Variants in LRFN1 observed in about 807,000 individuals in gnomAD.
LRFN1 encodes the protein leucine rich repeat and fibronectin type III domain containing 1.
A neutral mutation model predicts 31.8 loss-of-function variants in LRFN1; 20 were observed. The observed-to-expected ratio is 0.63, with a 90% CI of 0.44 to 0.91. The LOEUF is 0.91. LRFN1 is among the 40% of genes least tolerant of loss of function. The pLI, the probability that LRFN1 is intolerant of heterozygous loss-of-function variation, is 0.00. For missense variants in LRFN1, 912 were observed against 1,129.8 expected, an observed-to-expected ratio of 0.81 and a Z score of 2.76; for synonymous variants, 514 against 541.3, an observed-to-expected ratio of 0.95 and a Z score of 0.70.
chr19:39,317,228 T>A lies in LRFN1; in HGVS notation c.-92-1092A>T, dbSNP rs146381836. Among the ~76,000 whole-genome samples the A allele has an allele frequency of 3.7e-3, 562 of 151,530 alleles. 5 individuals carry two copies. The highest frequency in any genetic ancestry group is 0.013 in the African/African-American group (551 of 41,248). The stretch of plus-strand genomic sequence containing the variant: ...ATGGAGAGAAAAATAGAGACAGTAT[T>A]AGAGAGAAAAAGACAGAGGAGGAAA... On this transcript the variant is annotated intron_variant, in intron 2 of 4. Transcript: ENST00000248668.
intron 2 of LRFN1, 80 bp from the exon 3 acceptor site, chr19:39,316,216 C>T (rs1327107007): frequency 6.6e-6 from 1 of 152,098 alleles, no homozygotes; most frequent in Non-Finnish European, 1.5e-5. Flanking sequence ...TAGAATAGTG[C>T]CAGGCATATA....
At position 39,315,181 on chromosome 19, in the gene LRFN1, G is replaced by A. The variant is rs370793466; in HGVS notation, c.156C>T (p.Ala52=). 119 of 1,588,370 alleles carry A rather than the reference G, an allele frequency of 7.5e-5. No homozygotes were observed. The highest frequency in any genetic ancestry group is 9.9e-5 in the Non-Finnish European group (116 of 1,174,240). Residue 52 remains alanine, a synonymous_variant, in exon 4 of 5, where the codon GCC becomes GCT. Coordinates refer to ENST00000248668, the MANE Select transcript of LRFN1 (RefSeq NM_020862.2). This position sits in a 1 kb window ranked among gnomAD's most constrained non-coding sequence, Gnocchi z 4.7. The part of the protein sequence containing the change: ...NVAPTLTMLC[A]KTGLLFVPPA... Reference sequence around the variant, plus strand: ...GCGGCACAAAGAGCAAGCCGGTCTTGGCGCACAGCATTGTCAGTGTGGGCG... The same window carrying A: ...GCGGCACAAAGAGCAAGCCGGTCTTAGCGCACAGCATTGTCAGTGTGGGCG...
chr19:39,317,728 G>T (rs777011644), intron 2 of LRFN1, among the ~76,000 whole-genome samples: 5 of 152,024 alleles, frequency 3.3e-5, no homozygotes, highest in Non-Finnish European at 7.4e-5. Context: ...ACCTCATAAG[G>T]TTGCTATGAG....
At chr19:39,309,312 G>C (rs2075142141) in intron 4 of LRFN1, among the ~76,000 whole-genome samples, 1 of 151,732 alleles carries the variant, frequency 6.6e-6, no homozygotes, top group Non-Finnish European at 1.5e-5. Context: ...AAATTAGCCA[G>C]GCGTGGTGGC....
intron 1 of LRFN1, among the ~76,000 whole-genome samples, chr19:39,318,559 T>C (rs2075178773): frequency 6.6e-6 from 1 of 152,074 alleles, no homozygotes. Context: ...TTGTTCACCC[T>C]CCAAAGCCCA....
chr19:39,307,373 G>T lies in LRFN1; in HGVS notation c.*260C>A, dbSNP rs557949583. 4.4e-5 allele frequency: 18 copies of T among 407,436 alleles called. No individual in the cohort carries two copies. The highest frequency in any genetic ancestry group is 3.5e-4 in the African/African-American group (17 of 48,816). 25.2% of individuals were successfully genotyped at this position (407,436 alleles called of 1,614,324 possible). A position where few individuals can be genotyped will look rare whatever the true frequency, so the allele number is the denominator to read the frequency against. Reference sequence around the variant, plus strand: ...CGGCTCCAGCGAGGTCCGCGAGCGCGCGAGGGGAGGGGTAGGAGGGGGGTC... The same window carrying T: ...CGGCTCCAGCGAGGTCCGCGAGCGCTCGAGGGGAGGGGTAGGAGGGGGGTC... On this transcript the variant is annotated 3_prime_UTR_variant, in exon 5 of 5. Transcript: ENST00000248668. This position sits in a 1 kb window ranked among gnomAD's most constrained non-coding sequence, Gnocchi z 6.7.
chr19:39,311,875 CTT>C (rs562002567), intron 4 of LRFN1, among the ~76,000 whole-genome samples: 94 of 100,592 alleles, frequency 9.3e-4, no homozygotes, highest in African/African-American at 3.4e-3. Context: ...AAAAGGGAGG[CTT>C]TTTTTTTTTT....
chr19:39,314,162 A>G lies in LRFN1; in HGVS notation c.1175T>C (p.Leu392Pro). The change falls in exon 4 of 5, where the codon CTG (leucine) becomes CCG (proline). Residue 392 changes from leucine to proline, a missense_variant. Leu to Pro is a moderately conservative substitution (Grantham distance 98). This residue lies in a region of LRFN1 where 401 missense variants were observed against 572.7 expected (regional missense o/e 0.70). Transcript: ENST00000248668. ...PVEVCVVPLPLMAPPPAAPPP... is the reference protein window; with the variant it reads ...PVEVCVVPLPPMAPPPAAPPP... ...CGGGGCAGCCGGCGGGGGTGCCATC[A>G]GAGGCAGAGGTACCACGCACACCTC... is the stretch of plus-strand genomic sequence containing the variant. The G allele has an allele frequency of 6.2e-7, 1 of 1,612,880 alleles. No homozygotes were observed. Among genetic ancestry groups the G allele is most frequent in the Non-Finnish European group, 8.5e-7 (1 of 1,179,566 alleles).
Position 39,308,367 on chromosome 19 carries a change from T to G in LRFN1, c.1582A>C (p.Arg528=). The G allele has an allele frequency of 6.2e-7, 1 of 1,612,006 alleles. No individual in the cohort carries two copies. Among genetic ancestry groups the G allele is most frequent in the Admixed American group, 1.7e-5 (1 of 59,852 alleles). ...ATGGTGCCGCCCAAGAAATGGGCCC[T>G]CAGCGGGCGGCAGGGCGCCGGATCC... ...AGDPAPCRPL[R]AHFLGGTMII... is the part of the protein sequence containing the mutation. Residue 528 remains arginine, a synonymous_variant, in exon 5 of 5, where the codon AGG becomes CGG. Transcript: ENST00000248668. This position sits in a 1 kb window ranked among gnomAD's most constrained non-coding sequence, Gnocchi z 6.2.
At position 39,307,872 on chromosome 19, in the gene LRFN1, C is replaced by A. The variant is rs910791388; in HGVS notation, c.2077G>T (p.Gly693Ter). Residue 693 changes from glycine to a stop codon, truncating the protein, a stop_gained, in exon 5 of 5, where the codon GGA becomes TGA. Coordinates refer to ENST00000248668, the MANE Select transcript of LRFN1 (RefSeq NM_020862.2). LOFTEE classifies it high-confidence loss of function. The surrounding 1 kb of genome is among the most constrained non-coding windows in gnomAD (Gnocchi z 6.7). ...TGCGGCCTCGGCCGGGCCGCGGCTC[C>A]CCCAGGAACTAGAGCTAGAGTAGGG... ...APPTLALVPG[G>*]AAARPRPQQR... 3 of 1,537,928 alleles carry A rather than the reference C, an allele frequency of 2.0e-6. No individual in the cohort carries two copies. The highest frequency in any genetic ancestry group is 2.6e-6 in the Non-Finnish European group (3 of 1,148,468).
chr19:39,307,970 C>T lies in LRFN1; in HGVS notation c.1979G>A (p.Gly660Glu). ...GCCCACCGCGGCCCGAGACTCCTCC[C>T]CGGAAGTTTCCTCGGATGGCAGCAG... ...LCLLPSEETSGEESRAAVGPR... is the reference protein window; with the variant it reads ...LCLLPSEETSEEESRAAVGPR... The change falls in exon 5 of 5, where the codon GGG (glycine) becomes GAG (glutamate). Residue 660 changes from glycine (G) to glutamate (E), a missense_variant. This residue lies in a region of LRFN1 where 511 missense variants were observed against 557.0 expected (regional missense o/e 0.92). Transcript: ENST00000248668. The surrounding 1 kb of genome is among the most constrained non-coding windows in gnomAD (Gnocchi z 6.7). 1 of 1,580,374 alleles carries T rather than the reference C, an allele frequency of 6.3e-7. No homozygotes were observed. Among genetic ancestry groups the T allele is most frequent in the South Asian group, 1.1e-5 (1 of 88,334 alleles).
Position 39,314,805 on chromosome 19 carries a change from G to A in LRFN1, c.532C>T (p.Pro178Ser), listed in dbSNP as rs1304337283. The A allele has an allele frequency of 6.2e-7, 1 of 1,613,006 alleles. No individual in the cohort carries two copies. The highest frequency in any genetic ancestry group is 8.5e-7 in the Non-Finnish European group (1 of 1,179,490). ...DLSYNNLEAL[P>S]WEAVGQMVNL... ...ACCATCTGGCCCACCGCCTCCCACG[G>A]CAGGGCCTCCAGGTTGTTGTAGGAC... The change falls in exon 4 of 5, where the codon CCG becomes TCG. Residue 178 changes from proline to serine, a missense_variant. By Grantham distance (74) the Pro-to-Ser change is moderately conservative (BLOSUM62 -1). Transcript: ENST00000248668.
At position 39,308,011 on chromosome 19, in the gene LRFN1, C is replaced by T. The variant is rs2075135862; in HGVS notation, c.1938G>A (p.Ser646=). ...ATGGCAGCAGGCACAGCGAGGTGGC[C>T]GAGCCGCCCAGAGAACGTCCAAGGA... is the stretch of plus-strand genomic sequence containing the variant. ...EVVLGRSLGG[S]ATSLCLLPSE... Residue 646 remains serine, a synonymous_variant, in exon 5 of 5, where the codon TCG becomes TCA. Coordinates refer to ENST00000248668, the MANE Select transcript of LRFN1 (RefSeq NM_020862.2). This position sits in a 1 kb window ranked among gnomAD's most constrained non-coding sequence, Gnocchi z 6.2. 2 of 1,570,048 alleles carry T rather than the reference C, an allele frequency of 1.3e-6. No homozygotes were observed. The highest frequency in any genetic ancestry group is 1.7e-6 in the Non-Finnish European group (2 of 1,164,470).
rs1419773822 is a variant in LRFN1, at chr19:39,315,124, C to A, written c.213G>T (p.Arg71=). 1.9e-6 allele frequency: 3 copies of A among 1,593,044 alleles called. No individual in the cohort carries two copies. Among genetic ancestry groups the A allele is most frequent in the Non-Finnish European group, 2.5e-6 (3 of 1,177,204 alleles). ...PAIDRRVVEL[R]LTDNFIAAVR... ...CGGCGGCGATGAAGTTGTCGGTGAGCCGCAGCTCCACCACGCGCCGGTCGA... is the reference window on the plus strand; with the variant it reads ...CGGCGGCGATGAAGTTGTCGGTGAGACGCAGCTCCACCACGCGCCGGTCGA... The change falls in exon 4 of 5, where the codon CGG becomes CGT. Residue 71 remains arginine, a synonymous_variant. Coordinates refer to ENST00000248668, the MANE Select transcript of LRFN1 (RefSeq NM_020862.2). The surrounding 1 kb of genome is among the most constrained non-coding windows in gnomAD (Gnocchi z 4.7).
intron 2 of LRFN1, among the ~76,000 whole-genome samples, chr19:39,317,045 CA>C (rs1473960798): frequency 6.6e-6 from 1 of 151,638 alleles, no homozygotes; most frequent in South Asian, 2.1e-4. Flanking sequence ...AAGGAGAGAC[CA>C]GGGGGAGGGA....
Position 39,307,285 on chromosome 19 carries a change from C to G in LRFN1, c.*348G>C. On this transcript the variant is annotated 3_prime_UTR_variant, in exon 5 of 5. Coordinates refer to ENST00000248668, the MANE Select transcript of LRFN1 (RefSeq NM_020862.2). The surrounding 1 kb of genome is among the most constrained non-coding windows in gnomAD (Gnocchi z 6.7). ...GGGTGACGGGCTGGGGGAGGGGGCT[C>G]GTGTCTCAGTGCTGCAGTGTCAGGG... is the stretch of plus-strand genomic sequence containing the variant. 2.5e-6 allele frequency: 1 copy of G among 398,558 alleles called. No homozygotes were observed. The highest frequency in any genetic ancestry group is 4.4e-6 in the Non-Finnish European group (1 of 225,990). The allele number at this position is 398,558 out of a possible 1,614,324, so 24.7% of individuals were successfully genotyped here.
In LRFN1 at chr19:39,316,706, A is replaced by ACACACACT. The variant is rs1443671033; in HGVS notation, c.-92-578_-92-571dup. Among the ~76,000 whole-genome samples, 4 of 152,146 alleles carry ACACACACT rather than the reference A, an allele frequency of 2.6e-5. No individual in the cohort carries two copies. In the South Asian group the frequency reaches 6.2e-4, roughly 24 times the overall value. ...ATCTTTGGGTACACACAACACACAC[A>ACACACACT]CACACACTCACACACTCACACACTC... On this transcript the variant is annotated intron_variant, in intron 2 of 4. Coordinates refer to ENST00000248668, the MANE Select transcript of LRFN1 (RefSeq NM_020862.2).
Position 39,314,613 on chromosome 19 carries a change from G to T in LRFN1, c.724C>A (p.Pro242Thr). 6.2e-7 allele frequency: 1 copy of T among 1,610,060 alleles called. No individual in the cohort carries two copies. The stretch of plus-strand genomic sequence containing the variant: ...CCGAAGCTGACGGTCAGCGGGGTGG[G>T]CGGCTTGGGCCCGGTGCCCTGCGAC... Reference protein sequence around the residue: ...LRSQGTGPKPPTPLTVSFGGN... With the variant: ...LRSQGTGPKPTTPLTVSFGGN... Residue 242 changes from proline (P) to threonine (T), a missense_variant, in exon 4 of 5, where the codon CCC (proline) becomes ACC (threonine). By Grantham distance (38) the Pro-to-Thr change is conservative. Transcript: ENST00000248668.
intron 4 of LRFN1, among the ~76,000 whole-genome samples, chr19:39,311,700 G>T (rs1375217871): frequency 2.0e-5 from 3 of 152,116 alleles, no homozygotes; most frequent in Non-Finnish European, 2.9e-5. Flanking sequence ...GTGAAGGTTT[G>T]TGTTTTGTTC....
Sources: allele counts gnomAD v4.1 joint callset (sites outside exome capture counted in the v4.1 genomes callset), GRCh38; gene constraint gnomAD v4.1.1; regional missense constraint gnomAD v4.1.1; non-coding constraint Gnocchi (gnomAD v3.1); transcripts MANE v1.5; gene names NCBI Gene and HGNC (gene_info 2026-07-23, HGNC 2026-07-21).